Variants in IBTK observed in about 807,000 individuals in gnomAD.
IBTK encodes BTK-binding protein.
IBTK carries 83 observed loss-of-function variants against 154.9 expected under a neutral mutation model. The ratio of observed to expected loss-of-function variants is 0.54; its 90% CI spans 0.45 to 0.64. IBTK has a LOEUF of 0.64. IBTK is among the 30% of genes least tolerant of loss of function. The pLI is 0.00. For synonymous variants in IBTK, 515 were observed against 536.1 expected, an observed-to-expected ratio of 0.96 and a Z score of 0.54; for missense variants, 1,332 against 1,584.6, an observed-to-expected ratio of 0.84 and a Z score of 2.71.
At chr6:82,234,340 T>TTA in intron 2 of IBTK, 85 bp from the exon 3 acceptor site, 10 of 209,426 alleles carry the variant, frequency 4.8e-5, no homozygotes, top group East Asian at 1.3e-4. Flanking sequence ...TTTATTATTA[T>TTA]TTTTTTTTTT....
intron 4 of IBTK, among the ~76,000 whole-genome samples, chr6:82,231,237 A>G (rs1466389342): frequency 1.3e-5 from 2 of 152,278 alleles, no homozygotes; most frequent in East Asian, 3.9e-4. Context: ...GGAACCTAAA[A>G]ACATTATTTT....
At chr6:82,183,147 T>G (rs947650901) in intron 25 of IBTK, among the ~76,000 whole-genome samples, 2 of 152,244 alleles carry the variant, frequency 1.3e-5, no homozygotes, top group Non-Finnish European at 2.9e-5. Context: ...CAGTGGCTCA[T>G]GCCTGTAATC....
chr6:82,230,638 T>C (rs1289811737), intron 4 of IBTK, among the ~76,000 whole-genome samples: 1 of 152,274 alleles, frequency 6.6e-6, no homozygotes, highest in East Asian at 1.9e-4. Context: ...CATTAAAAAT[T>C]GAATAGGGTA....
At chr6:82,234,331 TTATTA>T (rs1770636681) in intron 2 of IBTK, 76 bp from the exon 3 acceptor site, 1 of 503,062 alleles carries the variant, frequency 2.0e-6, no homozygotes, top group Non-Finnish European at 2.9e-6. Flanking sequence ...ACTTCCTATT[TTATTA>T]TTATTTTTTT....
chr6:82,239,830 TTAATG>T (rs1770874403), intron 2 of IBTK, among the ~76,000 whole-genome samples: 1 of 152,260 alleles, frequency 6.6e-6, no homozygotes, highest in Admixed American at 6.5e-5. Flanking sequence ...TTGTGCTTAC[TTAATG>T]TAAAGTATTT....
At chr6:82,232,683 A>G (rs1489501463) in intron 3 of IBTK, among the ~76,000 whole-genome samples, 1 of 152,184 alleles carries the variant, frequency 6.6e-6, no homozygotes. Flanking sequence ...AAGAGCAAAC[A>G]AACTGGAGGG....
chr6:82,216,384 A>AACT (rs1389071902), intron 10 of IBTK, 134 bp from the exon 11 acceptor site: 12 of 618,708 alleles, frequency 1.9e-5, no homozygotes, highest in Non-Finnish European at 2.7e-5. Flanking sequence ...GTTTTTGAAG[A>AACT]ACTACATCCT....
chr6:82,210,977 T>C, intron 15 of IBTK, 67 bp from the exon 16 acceptor site: 1 of 867,660 alleles, frequency 1.2e-6, no homozygotes, highest in Non-Finnish European at 1.7e-6. Context: ...ACATTCTAAT[T>C]TGGGTTATTG....
At chr6:82,192,084 C>G (rs1370544982) in intron 23 of IBTK, among the ~76,000 whole-genome samples, 1 of 151,584 alleles carries the variant, frequency 6.6e-6, no homozygotes, top group Non-Finnish European at 1.5e-5. Flanking sequence ...AATATATATC[C>G]AAAATGTTAA....
rs1286518407 is a variant in IBTK, at chr6:82,210,859, CTT to C, written c.2462_2463del (p.Lys821SerfsTer9). 1 of 1,579,600 alleles carries C rather than the reference CTT, an allele frequency of 6.3e-7. No individual in the cohort carries two copies. The highest frequency in any genetic ancestry group is 2.3e-5 in the East Asian group (1 of 43,098). On this transcript the variant is annotated frameshift_variant, in exon 16 of 29. Coordinates refer to ENST00000306270, the MANE Select transcript of IBTK (RefSeq NM_015525.4). LOFTEE classifies it high-confidence loss of function. ...LEMPIHSDIL[K>X]VILDYLYTDE... ...TCAGTATAGAGGTAGTCCAAAATAA[CTT>C]TTAATATATCAGAATGTATTGGCAT...
chr6:82,220,841 G>T, intron 8 of IBTK, 128 bp from the exon 9 acceptor site: 30 of 683,472 alleles, frequency 4.4e-5, no homozygotes, highest in South Asian at 1.6e-4. Flanking sequence ...AAAATGATTT[G>T]GTCTTTGGTA....
Position 82,196,431 on chromosome 6 carries a change from C to T in IBTK, c.3041G>A (p.Gly1014Asp). 2 of 1,602,808 alleles carry T rather than the reference C, an allele frequency of 1.2e-6. No individual in the cohort carries two copies. Among genetic ancestry groups the T allele is most frequent in the Non-Finnish European group, 1.7e-6 (2 of 1,175,316 alleles). The change falls in exon 22 of 29, where the codon GGT (glycine) becomes GAT (aspartate). Residue 1014 changes from glycine to aspartate, a missense_variant. Transcript: ENST00000306270. ...SPSSTGLLKS[G>D]KTNSVESLPE... is the part of the protein sequence containing the mutation. ...AAGAGATTCCACAGAATTGGTCTTACCAGACTTTAATAATCCTAAAACATG... is the reference window on the plus strand; with the variant it reads ...AAGAGATTCCACAGAATTGGTCTTATCAGACTTTAATAATCCTAAAACATG...
intron 9 of IBTK, among the ~76,000 whole-genome samples, chr6:82,220,182 C>T (rs1770045721): frequency 6.6e-6 from 1 of 152,090 alleles, no homozygotes; most frequent in African/African-American, 2.4e-5. Flanking sequence ...TGTACTCTAG[C>T]CTGGCCAATA....
At position 82,233,155 on chromosome 6, in the gene IBTK, C is replaced by CAAAAAAAA. The variant is rs35870814; in HGVS notation, c.418+996_418+1003dup. On this transcript the variant is annotated intron_variant, in intron 3 of 28. Coordinates refer to ENST00000306270, the MANE Select transcript of IBTK (RefSeq NM_015525.4). ...CTGGGCAACAAGAGCGAAACTGTCT[C>CAAAAAAAA]AAAAAAAAAAAAAAAAAAAAAATTA... Among the ~76,000 whole-genome samples, 556 of 93,330 alleles carry CAAAAAAAA rather than the reference C, an allele frequency of 6.0e-3. 7 individuals carry two copies. Among genetic ancestry groups the CAAAAAAAA allele is most frequent in the African/African-American group, 0.017 (473 of 27,340 alleles). 61.2% of individuals were successfully genotyped at this position (93,330 alleles called of 152,430 possible).
chr6:82,226,248 T>TA (rs1234957048), intron 5 of IBTK, among the ~76,000 whole-genome samples: 27 of 141,946 alleles, frequency 1.9e-4, no homozygotes, highest in African/African-American at 5.8e-4. Flanking sequence ...AGGCTTAAGG[T>TA]AATATTATAT....
chr6:82,196,551 A>G, intron 21 of IBTK, 105 bp from the exon 22 acceptor site: 1 of 517,662 alleles, frequency 1.9e-6, no homozygotes, highest in Non-Finnish European at 3.1e-6. Flanking sequence ...TCCAGATTTA[A>G]TAACATTCAA....
chr6:82,231,226 T>C (rs1172605135), intron 4 of IBTK, among the ~76,000 whole-genome samples: 1 of 152,126 alleles, frequency 6.6e-6, no homozygotes, highest in Non-Finnish European at 1.5e-5. Flanking sequence ...ATAAATAGCT[T>C]GGAACCTAAA....
At chr6:82,230,222 T>TA (rs1770455995) in intron 4 of IBTK, among the ~76,000 whole-genome samples, 1 of 152,198 alleles carries the variant, frequency 6.6e-6, no homozygotes, top group Non-Finnish European at 1.5e-5. Flanking sequence ...GAGCCAGTAC[T>TA]ATAGTGATAA....
chr6:82,235,884 G>GT (rs1770697163), intron 2 of IBTK, among the ~76,000 whole-genome samples: 1 of 151,492 alleles, frequency 6.6e-6, no homozygotes, highest in South Asian at 2.1e-4. Flanking sequence ...GTTTTTTTTG[G>GT]TTTTTTTGAG....
Sources: gnomAD v4.1 joint callset for allele counts (sites outside exome capture counted in the v4.1 genomes callset) on GRCh38, gnomAD v4.1.1 for gene constraint, MANE v1.5 for transcripts, NCBI Gene and HGNC (gene_info 2026-07-23, HGNC 2026-07-21) for gene names.